FUCA2: variants seen among roughly 807,000 people sequenced by gnomAD.
FUCA2 encodes alpha-L-fucosidase 2.
A neutral mutation model predicts 52.6 loss-of-function variants in FUCA2; 41 were observed. That is an observed-to-expected ratio of 0.78 (90% confidence interval 0.61 to 1.01). FUCA2 has a LOEUF of 1.01. Among genes scored for constraint, FUCA2 ranks in the 50% least tolerant of loss-of-function variants. FUCA2 has a pLI of 0.00. For missense variants in FUCA2, 507 were observed against 569.5 expected (o/e 0.89, Z 1.12); for synonymous variants, 211 against 217.3 (o/e 0.97, Z 0.26).
chr6:143,501,077 C>G lies in FUCA2; in HGVS notation c.1154+855G>C, dbSNP rs1174765604. On this transcript the variant is annotated intron_variant, in intron 5 of 6. Coordinates refer to ENST00000002165, the MANE Select transcript of FUCA2 (RefSeq NM_032020.5). This position sits in a 1 kb window ranked among gnomAD's most constrained non-coding sequence, Gnocchi z 6.1. ...ACCCTCATATTCAAATGTAAGTATT[C>G]AAAAGTAAGAAGCAAATTCCAAAAC... Among the ~76,000 whole-genome samples the G allele has an allele frequency of 6.6e-6, 1 of 152,134 alleles. No individual in the cohort carries two copies. Among genetic ancestry groups the G allele is most frequent in the Non-Finnish European group, 1.5e-5 (1 of 68,026 alleles).
chr6:143,509,344 G>C lies in FUCA2; in HGVS notation c.225-1920C>G, dbSNP rs1009698140. 2.0e-5 allele frequency among the ~76,000 whole-genome samples: 3 copies of C among 152,170 alleles called. No homozygotes were observed. Among genetic ancestry groups the C allele is most frequent in the African/African-American group, 7.2e-5 (3 of 41,442 alleles). On this transcript the variant is annotated intron_variant, in intron 1 of 6. Transcript: ENST00000002165. This position sits in a 1 kb window ranked among gnomAD's most constrained non-coding sequence, Gnocchi z 5.4. ...AGGTAATTAAAGAATCTTCCACAGG[G>C]TTAATGCATTTTCAGATCATCAGGA... is the stretch of plus-strand genomic sequence containing the variant.
At position 143,507,335 on chromosome 6, in the gene FUCA2, G is replaced by T; in HGVS notation, c.314C>A (p.Pro105Gln). 1 of 1,608,132 alleles carries T rather than the reference G, an allele frequency of 6.2e-7. No homozygotes were observed. Among genetic ancestry groups the T allele is most frequent in the Non-Finnish European group, 8.5e-7 (1 of 1,178,350 alleles). ...ATTAAAAAATTTTGCTGTAAATAGT[G>T]GTCCAAAATCTTCATATTTGAAACT... is the stretch of plus-strand genomic sequence containing the variant. ...PPSFKYEDFGPLFTAKFFNAN... is the reference protein window; with the variant it reads ...PPSFKYEDFGQLFTAKFFNAN... The change falls in exon 2 of 7, where the codon CCA becomes CAA. Residue 105 changes from proline to glutamine, a missense_variant. By Grantham distance (76) the Pro-to-Gln change is moderately conservative. Transcript: ENST00000002165. The surrounding 1 kb of genome is among the most constrained non-coding windows in gnomAD (Gnocchi z 4.5).
Position 143,495,675 on chromosome 6 carries a change from A to T in FUCA2, c.*32T>A, listed in dbSNP as rs1282169426. On this transcript the variant is annotated 3_prime_UTR_variant, in exon 7 of 7. Transcript: ENST00000002165. The surrounding 1 kb of genome is among the most constrained non-coding windows in gnomAD (Gnocchi z 5.2). ...CACCTGATAGTTCCTAGCCTTAGAC[A>T]TAACTTGCAGCATCAGCCACTCTGC... is the stretch of plus-strand genomic sequence containing the variant. 6.3e-7 allele frequency: 1 copy of T among 1,598,738 alleles called. No individual in the cohort carries two copies. The highest frequency in any genetic ancestry group is 1.7e-5 in the Admixed American group (1 of 59,598).
intron 5 of FUCA2, among the ~76,000 whole-genome samples, chr6:143,498,019 C>A (rs1274463801): frequency 6.6e-6 from 1 of 151,838 alleles, no homozygotes; most frequent in Admixed American, 6.6e-5. Flanking sequence ...CTGATAAGCA[C>A]CATGAAAGAA....
intron 2 of FUCA2, chr6:143,506,944 C>A: frequency 3.1e-6 from 1 of 326,684 alleles, no homozygotes; most frequent in Non-Finnish European, 5.5e-6. Flanking sequence ...ACTTGCAACC[C>A]ACACTCCCTT....
At position 143,497,926 on chromosome 6, in the gene FUCA2, T is replaced by C. The variant is rs546446105; in HGVS notation, c.1155-429A>G. ...GTTACAATAAAAAACAAAACACACA[T>C]AGTCCTTGTTCTTATGGAGCTTAGA... On this transcript the variant is annotated intron_variant, in intron 5 of 6. Transcript: ENST00000002165. The surrounding 1 kb of genome is among the most constrained non-coding windows in gnomAD (Gnocchi z 5.3). 3.0e-4 allele frequency among the ~76,000 whole-genome samples: 46 copies of C among 152,332 alleles called. No homozygotes were observed. Among genetic ancestry groups the C allele is most frequent in the African/African-American group, 7.9e-4 (33 of 41,566 alleles).
At position 143,503,447 on chromosome 6, in the gene FUCA2, G is replaced by C. The variant is rs771038330; in HGVS notation, c.752+466C>G. 1 of 157,198 alleles carries C rather than the reference G, an allele frequency of 6.4e-6. No homozygotes were observed. Among genetic ancestry groups the C allele is most frequent in the Non-Finnish European group, 1.4e-5 (1 of 71,466 alleles). 9.7% of individuals were successfully genotyped at this position (157,198 alleles called of 1,614,324 possible). Reference sequence around the variant, plus strand: ...AGGAAAAAACTGGAGAAAGTGAAAAGGCTGCGATGAAGGAAAAGAGGAGAC... The same window carrying C: ...AGGAAAAAACTGGAGAAAGTGAAAACGCTGCGATGAAGGAAAAGAGGAGAC... On this transcript the variant is annotated intron_variant, in intron 3 of 6. Transcript: ENST00000002165. The surrounding 1 kb of genome is among the most constrained non-coding windows in gnomAD (Gnocchi z 4.8).
rs1244584947 is a variant in FUCA2, at chr6:143,507,225, G to A, written c.412+12C>T. The stretch of plus-strand genomic sequence containing the variant: ...CCATTGTCAGCAATTTCCATAGGCT[G>A]GATTGACTTACCTTCATGATGTTTG... On this transcript the variant is annotated intron_variant, in intron 2 of 6. Transcript: ENST00000002165. This position sits in a 1 kb window ranked among gnomAD's most constrained non-coding sequence, Gnocchi z 4.5. 1 of 1,569,630 alleles carries A rather than the reference G, an allele frequency of 6.4e-7. No homozygotes were observed. Among genetic ancestry groups the A allele is most frequent in the Non-Finnish European group, 8.6e-7 (1 of 1,166,070 alleles).
At chr6:143,498,685 C>T (rs906530381) in intron 5 of FUCA2, among the ~76,000 whole-genome samples, 3 of 152,054 alleles carry the variant, frequency 2.0e-5, no homozygotes, top group Admixed American at 6.5e-5. Flanking sequence ...CCCTTGTAAG[C>T]ATCTATGGGA....
At chr6:143,496,310 G>C (rs1289292867) in intron 6 of FUCA2, 1 of 152,624 alleles carries the variant, frequency 6.6e-6, no homozygotes, top group Non-Finnish European at 1.5e-5. Context: ...ATTCAAATAA[G>C]TTCCCTACAT....
At position 143,495,287 on chromosome 6, in the gene FUCA2, ACT is replaced by A. The variant is rs2128421211; in HGVS notation, c.*418_*419del. On this transcript the variant is annotated 3_prime_UTR_variant, in exon 7 of 7. Transcript: ENST00000002165. This position sits in a 1 kb window ranked among gnomAD's most constrained non-coding sequence, Gnocchi z 5.2. ...ATGCCATCTAGGATTTTGTAAATAC[ACT>A]CTATGATGTTGGCACAAAAAAAAAT... The A allele has an allele frequency of 6.2e-6, 1 of 161,704 alleles. No homozygotes were observed. The highest frequency in any genetic ancestry group is 2.4e-5 in the African/African-American group (1 of 41,724). 10.0% of individuals were successfully genotyped at this position (161,704 alleles called of 1,614,324 possible).
chr6:143,510,482 C>T lies in FUCA2; in HGVS notation c.224+929G>A, dbSNP rs114359215. On this transcript the variant is annotated intron_variant, in intron 1 of 6. Transcript: ENST00000002165. The surrounding 1 kb of genome is among the most constrained non-coding windows in gnomAD (Gnocchi z 4.4). ...AAAACCCCGTTTCTACTAAAAAATA[C>T]AAAAAAATTGGCCAGGCATGGTGGC... 0.023 allele frequency among the ~76,000 whole-genome samples: 3,454 copies of T among 151,746 alleles called. 127 individuals are homozygous for T. The highest frequency in any genetic ancestry group is 0.079 in the African/African-American group (3,266 of 41,370).
intron 6 of FUCA2, chr6:143,496,720 G>C (rs749605734): frequency 6.6e-6 from 1 of 152,146 alleles, no homozygotes; most frequent in African/African-American, 2.4e-5. Context: ...TAAAATAGTA[G>C]AGTCATGACA....
Position 143,497,578 on chromosome 6 carries a change from GGAAT to G in FUCA2, c.1155-85_1155-82del. The G allele has an allele frequency of 1.4e-6, 1 of 713,020 alleles. No individual in the cohort carries two copies. The highest frequency in any genetic ancestry group is 2.3e-6 in the Non-Finnish European group (1 of 427,906). The allele number at this position is 713,020 out of a possible 1,614,324, so 44.2% of individuals were successfully genotyped here. A position where few individuals can be genotyped will look rare whatever the true frequency, so the allele number is the denominator to read the frequency against. Reference sequence around the variant, plus strand: ...ACTATTTATGGATCAGGAACAATCTGGAATTATTTTACAGATACTTCCACAATGT... The same window carrying G: ...ACTATTTATGGATCAGGAACAATCTGTATTTTACAGATACTTCCACAATGT... On this transcript the variant is annotated intron_variant, in intron 5 of 6. Coordinates refer to ENST00000002165, the MANE Select transcript of FUCA2 (RefSeq NM_032020.5). The surrounding 1 kb of genome is among the most constrained non-coding windows in gnomAD (Gnocchi z 5.3).
chr6:143,497,464 A>G lies in FUCA2; in HGVS notation c.1188T>C (p.Tyr396=), dbSNP rs780383907. ...YTSKPKEKLV[Y]AIFLKWPTSG... is the part of the protein sequence containing the mutation. Reference sequence around the variant, plus strand: ...ATGTGGGCCATTTAAGAAAAATGGCATAGACTAATTTTTCTTTAGGCTTGG... The same window carrying G: ...ATGTGGGCCATTTAAGAAAAATGGCGTAGACTAATTTTTCTTTAGGCTTGG... The change falls in exon 6 of 7, where the codon TAT becomes TAC. Residue 396 remains tyrosine (Y), a synonymous_variant. Coordinates refer to ENST00000002165, the MANE Select transcript of FUCA2 (RefSeq NM_032020.5). The surrounding 1 kb of genome is among the most constrained non-coding windows in gnomAD (Gnocchi z 5.3). 23 of 1,613,314 alleles carry G rather than the reference A, an allele frequency of 1.4e-5. No homozygotes were observed. Among genetic ancestry groups the G allele is most frequent in the African/African-American group, 2.7e-5 (2 of 74,914 alleles).
In FUCA2 at chr6:143,497,350, A is replaced by G; in HGVS notation, c.1263+39T>C. ...TTAATGTTTGCATCAAGATGTTCTA[A>G]TCAGCAATTTAAAGGAATAAGGTAA... On this transcript the variant is annotated intron_variant, in intron 6 of 6. Coordinates refer to ENST00000002165, the MANE Select transcript of FUCA2 (RefSeq NM_032020.5). The surrounding 1 kb of genome is among the most constrained non-coding windows in gnomAD (Gnocchi z 5.3). 1 of 1,260,038 alleles carries G rather than the reference A, an allele frequency of 7.9e-7. No homozygotes were observed. Among genetic ancestry groups the G allele is most frequent in the Non-Finnish European group, 1.2e-6 (1 of 857,534 alleles). The allele number at this position is 1,260,038 out of a possible 1,614,324, so 78.1% of individuals were successfully genotyped here.
rs1313943101 is a variant in FUCA2 at position 143,511,713 on chromosome 6, TATGCCGC to T, written c.-86_-80del. The T allele has an allele frequency of 1.7e-5, 22 of 1,316,154 alleles. No homozygotes were observed. Among genetic ancestry groups the T allele is most frequent in the Non-Finnish European group, 2.1e-5 (21 of 996,574 alleles). The allele number at this position is 1,316,154 out of a possible 1,614,324, so 81.5% of individuals were successfully genotyped here. On this transcript the variant is annotated 5_prime_UTR_variant, in exon 1 of 7. Coordinates refer to ENST00000002165, the MANE Select transcript of FUCA2 (RefSeq NM_032020.5). This position sits in a 1 kb window ranked among gnomAD's most constrained non-coding sequence, Gnocchi z 6.3. The stretch of plus-strand genomic sequence containing the variant: ...CTGTTCTTCCGTCTCTGCCGCTGAG[TATGCCGC>T]GCCGCGGTCACCTGACCAAGTCGGA...
In FUCA2 at chr6:143,501,884, T is replaced by G; in HGVS notation, c.1154+48A>C. 3 of 1,502,858 alleles carry G rather than the reference T, an allele frequency of 2.0e-6. No individual in the cohort carries two copies. The highest frequency in any genetic ancestry group is 2.7e-6 in the Non-Finnish European group (3 of 1,100,002). 93.1% of individuals were successfully genotyped at this position (1,502,858 alleles called of 1,614,324 possible). On this transcript the variant is annotated intron_variant, in intron 5 of 6. Coordinates refer to ENST00000002165, the MANE Select transcript of FUCA2 (RefSeq NM_032020.5). This position sits in a 1 kb window ranked among gnomAD's most constrained non-coding sequence, Gnocchi z 6.1. ...TCTTCTTTATATGTCTGATAAATTT[T>G]AAATCTCTTCCTTTATAAAAGAGTA... is the stretch of plus-strand genomic sequence containing the variant.
rs1356459571 is a variant in FUCA2 at position 143,509,243 on chromosome 6, C to T, written c.225-1819G>A. Among the ~76,000 whole-genome samples, 1 of 152,130 alleles carries T rather than the reference C, an allele frequency of 6.6e-6. No homozygotes were observed. The highest frequency in any genetic ancestry group is 1.5e-5 in the Non-Finnish European group (1 of 68,032). ...TTTTAATAGACATTTAAAACAGTCACATATACTCATCTATACTGTTGATTC... is the reference window on the plus strand; with the variant it reads ...TTTTAATAGACATTTAAAACAGTCATATATACTCATCTATACTGTTGATTC... On this transcript the variant is annotated intron_variant, in intron 1 of 6. Transcript: ENST00000002165. The surrounding 1 kb of genome is among the most constrained non-coding windows in gnomAD (Gnocchi z 5.4).
Sources: gnomAD v4.1 joint callset for allele counts (sites outside exome capture counted in the v4.1 genomes callset) on GRCh38, gnomAD v4.1.1 for gene constraint, Gnocchi (gnomAD v3.1) non-coding constraint, MANE v1.5 for transcripts, NCBI Gene and HGNC (gene_info 2026-07-23, HGNC 2026-07-21) for gene names.